The following RIPK1 variants were observed in gnomAD, a reference collection of about 807,000 sequenced individuals.
RIPK1 encodes receptor interacting serine/threonine kinase 1.
RIPK1 carries 27 observed loss-of-function variants against 62.4 expected under a neutral mutation model. That is an observed-to-expected ratio of 0.43 (90% CI 0.32 to 0.60). The LOEUF (loss-of-function observed/expected upper bound fraction) is 0.60, where lower values mean the gene tolerates loss of function less well. Among genes scored for constraint, RIPK1 ranks in the 20% least tolerant of loss-of-function variants. The pLI is 0.07. For missense variants in RIPK1, 735 were observed against 831.0 expected, an observed-to-expected ratio of 0.88 and a Z score of 1.42; for synonymous variants, 287 against 303.2, an observed-to-expected ratio of 0.95 and a Z score of 0.55.
Position 3,113,097 on chromosome 6 carries a change from G to GA in RIPK1, c.1778dup (p.Asn593LysfsTer12). On this transcript the variant is annotated frameshift_variant, in exon 11 of 11. Coordinates refer to ENST00000259808, the MANE Select transcript of RIPK1 (RefSeq NM_001354930.2). LOFTEE classifies it high-confidence loss of function. The surrounding 1 kb of genome is among the most constrained non-coding windows in gnomAD (Gnocchi z 5.0). The stretch of plus-strand genomic sequence containing the variant: ...GGATAAACACCTGGACCCAATCAGG[G>GA]AAAATCTGGGAAAGCACTGGAAAAA... The GA allele has an allele frequency of 1.3e-6, 2 of 1,599,114 alleles. No individual in the cohort carries two copies. The highest frequency in any genetic ancestry group is 1.7e-6 in the Non-Finnish European group (2 of 1,170,526).
Position 3,105,616 on chromosome 6 carries a change from G to A in RIPK1, c.1141G>A (p.Glu381Lys), listed in dbSNP as rs776186590. 9.9e-6 allele frequency: 16 copies of A among 1,613,950 alleles called. No homozygotes were observed. The highest frequency in any genetic ancestry group is 1.7e-6 in the Non-Finnish European group (2 of 1,180,000). The change falls in exon 9 of 11, where the codon GAA becomes AAA. Residue 381 changes from glutamate (E) to lysine (K), a missense_variant. By Grantham distance (56) the Glu-to-Lys change is moderately conservative (BLOSUM62 1). Transcript: ENST00000259808. The surrounding 1 kb of genome is among the most constrained non-coding windows in gnomAD (Gnocchi z 4.5). ...CAGCCTGCAGAGTAAACTCCAAGAC[G>A]AAGCCAACTACCATCTTTATGGCAG... ...EPSLQSKLQDEANYHLYGSRM... is the reference protein window; with the variant it reads ...EPSLQSKLQDKANYHLYGSRM...
Position 3,085,379 on chromosome 6 carries a change from C to T in RIPK1, c.809C>T (p.Ala270Val), listed in dbSNP as rs972056086. 12 of 1,614,026 alleles carry T rather than the reference C, an allele frequency of 7.4e-6. No individual in the cohort carries two copies. Among genetic ancestry groups the T allele is most frequent in the Middle Eastern group, 1.6e-4 (1 of 6,084 alleles). ...IISLMKLCWE[A>V]NPEARPTFPG... Reference sequence around the variant, plus strand: ...AGTCTCATGAAGCTCTGCTGGGAAGCGAATCCGGAAGCTCGGCCGACATTT... The same window carrying T: ...AGTCTCATGAAGCTCTGCTGGGAAGTGAATCCGGAAGCTCGGCCGACATTT... Residue 270 changes from alanine (A) to valine (V), a missense_variant, in exon 6 of 11, where the codon GCG (alanine) becomes GTG (valine). Physicochemically the swap from Ala to Val is moderately conservative, Grantham distance 64. This residue lies in a region of RIPK1 where 671 missense variants were observed against 726.2 expected (regional missense o/e 0.92). Coordinates refer to ENST00000259808, the MANE Select transcript of RIPK1 (RefSeq NM_001354930.2).
At chr6:3,078,050 G>C (rs925194543) in intron 3 of RIPK1, 115 bp downstream of exon 3, 7 of 1,018,378 alleles carry the variant, frequency 6.9e-6, no homozygotes, top group Admixed American at 5.5e-5. Flanking sequence ...CAAATTGCTT[G>C]GTAGTTTGAA....
At position 3,072,405 on chromosome 6, in the gene RIPK1, A is replaced by C. The variant is rs1044943606; in HGVS notation, c.-61+3744A>C. On this transcript the variant is annotated intron_variant, in intron 1 of 10. Transcript: ENST00000259808. The surrounding 1 kb of genome is among the most constrained non-coding windows in gnomAD (Gnocchi z 5.6). ...TATCTATTTACATATATATATATATAAAACACACACAAATGTGAATATAAT... is the reference window on the plus strand; with the variant it reads ...TATCTATTTACATATATATATATATCAAACACACACAAATGTGAATATAAT... Among the ~76,000 whole-genome samples the C allele has an allele frequency of 6.7e-6, 1 of 149,310 alleles. No homozygotes were observed. The highest frequency in any genetic ancestry group is 6.7e-5 in the Admixed American group (1 of 14,960).
chr6:3,067,051 A>ATTTT (rs36132424), upstream of RIPK1, among the ~76,000 whole-genome samples: 14,756 of 59,032 alleles, frequency 0.25, 1,745 homozygotes, highest in Non-Finnish European at 0.33. Context: ...TTGCTCCAGG[A>ATTTT]TTTTTTTTTT....
At chr6:3,065,783 T>C (rs1448558929), upstream of RIPK1, among the ~76,000 whole-genome samples, 1 of 152,242 alleles carries the variant, frequency 6.6e-6, no homozygotes, top group African/African-American at 2.4e-5. Flanking sequence ...TCTTGCCTTT[T>C]CCATTCTGGT....
chr6:3,106,112 C>A, intron 9 of RIPK1, 61 bp downstream of exon 9: 1 of 1,218,352 alleles, frequency 8.2e-7, no homozygotes, highest in South Asian at 1.4e-5. Flanking sequence ...AATACAGCAA[C>A]CAAGCAGCTC....
At chr6:3,069,803 G>A (rs554707797) in intron 1 of RIPK1, among the ~76,000 whole-genome samples, 15 of 152,316 alleles carry the variant, frequency 9.8e-5, no homozygotes, top group Admixed American at 9.1e-4. Context: ...CTGAGGTCAG[G>A]AGTTCGAGAC....
rs1191042258 is a variant in RIPK1 at position 3,105,477 on chromosome 6, C to T, written c.1007-5C>T. 31 of 1,523,868 alleles carry T rather than the reference C, an allele frequency of 2.0e-5. No individual in the cohort carries two copies. The highest frequency in any genetic ancestry group is 2.5e-5 in the Non-Finnish European group (28 of 1,137,396). 94.4% of individuals were successfully genotyped at this position (1,523,868 alleles called of 1,614,324 possible). ...CCCATTCTAATGTTGATCATTTCTTCTCAGCCACAGAACAGCCTGGTTCAC... is the reference window on the plus strand; with the variant it reads ...CCCATTCTAATGTTGATCATTTCTTTTCAGCCACAGAACAGCCTGGTTCAC... On this transcript the variant is annotated splice_region_variant and splice_polypyrimidine_tract_variant and intron_variant, in intron 8 of 10. Coordinates refer to ENST00000259808, the MANE Select transcript of RIPK1 (RefSeq NM_001354930.2). This position sits in a 1 kb window ranked among gnomAD's most constrained non-coding sequence, Gnocchi z 4.5.
At chr6:3,106,764 A>G (rs573244037) in intron 9 of RIPK1, among the ~76,000 whole-genome samples, 1 of 152,326 alleles carries the variant, frequency 6.6e-6, no homozygotes, top group African/African-American at 2.4e-5. Flanking sequence ...AACATCCTCG[A>G]TTTCTTCCAT....
At chr6:3,106,786 T>C (rs757440771) in intron 9 of RIPK1, among the ~76,000 whole-genome samples, 1 of 152,246 alleles carries the variant, frequency 6.6e-6, no homozygotes, top group Non-Finnish European at 1.5e-5. Flanking sequence ...GGTTTTATGA[T>C]AAGATCTGTA....
At chr6:3,099,184 A>G (rs7745598) in intron 7 of RIPK1, among the ~76,000 whole-genome samples, 23,091 of 152,260 alleles carry the variant, frequency 0.15, 4,603 homozygotes, top group African/African-American at 0.46. Context: ...AAAGGTAGTC[A>G]AAAAGGAGAA....
chr6:3,078,261 T>C (rs969117746), intron 3 of RIPK1, among the ~76,000 whole-genome samples: 1 of 152,164 alleles, frequency 6.6e-6, no homozygotes, highest in Non-Finnish European at 1.5e-5. Context: ...TCAGCACTTT[T>C]GGCAGGAGGA....
chr6:3,109,574 G>A (rs1044125409), intron 9 of RIPK1, among the ~76,000 whole-genome samples: 1 of 152,122 alleles, frequency 6.6e-6, no homozygotes, highest in Non-Finnish European at 1.5e-5. Flanking sequence ...GTGTGGCTGA[G>A]CTTTGCTGTG....
chr6:3,089,632 T>C lies in RIPK1; in HGVS notation c.890T>C (p.Val297Ala). The C allele has an allele frequency of 1.3e-6, 2 of 1,587,102 alleles. No individual in the cohort carries two copies. Among genetic ancestry groups the C allele is most frequent in the Admixed American group, 3.4e-5 (2 of 59,126 alleles). The change falls in exon 7 of 11, where the codon GTA (valine) becomes GCA (alanine). Residue 297 changes from valine (V) to alanine (A), a missense_variant. Around this residue, in one of 2 missense-constraint regions of RIPK1, gnomAD observed 671 missense variants for 726.2 expected, o/e 0.92. Transcript: ENST00000259808. ...TATTTAAGTCAATTAGAAGAAAGTG[T>C]AGAAGAGGACGTGAAGAGTTTAAAG... is the stretch of plus-strand genomic sequence containing the variant. ...PFYLSQLEES[V>A]EEDVKSLKKE... is the part of the protein sequence containing the mutation.
At chr6:3,067,757 T>G (rs756508882), upstream of RIPK1, among the ~76,000 whole-genome samples, 1 of 152,072 alleles carries the variant, frequency 6.6e-6, no homozygotes, top group Non-Finnish European at 1.5e-5. Context: ...TTTTTTTCCT[T>G]TTGAGACGGA....
intron 7 of RIPK1, among the ~76,000 whole-genome samples, chr6:3,095,043 G>A (rs1760212388): frequency 6.6e-6 from 1 of 151,962 alleles, no homozygotes; most frequent in Non-Finnish European, 1.5e-5. Flanking sequence ...GGGCAACAGA[G>A]TGAGACCCTA....
At chr6:3,100,954 AAAG>A (rs914728341) in intron 7 of RIPK1, among the ~76,000 whole-genome samples, 2 of 152,208 alleles carry the variant, frequency 1.3e-5, no homozygotes, top group African/African-American at 2.4e-5. Context: ...ATAACTATAA[AAAG>A]AAAATCAATT....
chr6:3,081,871 A>T (rs1282036696), intron 4 of RIPK1, among the ~76,000 whole-genome samples: 22 of 43,972 alleles, frequency 5.0e-4, no homozygotes, highest in African/African-American at 3.3e-3. Context: ...AAAAAAAAAA[A>T]AAAAAAAAAA....
Sources: allele counts gnomAD v4.1 joint callset (sites outside exome capture counted in the v4.1 genomes callset), GRCh38; gene constraint gnomAD v4.1.1; regional missense constraint gnomAD v4.1.1; non-coding constraint Gnocchi (gnomAD v3.1); transcripts MANE v1.5; gene names NCBI Gene and HGNC (gene_info 2026-07-23, HGNC 2026-07-21).